PRR16: variants seen among roughly 807,000 people sequenced by gnomAD.
PRR16 encodes the protein protein Largen.
Under a neutral mutation model 18.2 loss-of-function variants are expected in PRR16, and 6 were observed. That is an observed-to-expected ratio of 0.33 (90% confidence interval 0.18 to 0.65). The LOEUF is 0.65. Ranked by LOEUF, PRR16 falls within the 30% of genes least tolerant of loss-of-function variation. The pLI, the probability that PRR16 is intolerant of heterozygous loss-of-function variation, is 0.74. For missense variants in PRR16, 412 were observed against 376.6 expected (o/e 1.09, Z -0.78); for synonymous variants, 151 against 147.8 (o/e 1.02, Z -0.16).
At position 120,621,718 on chromosome 5, in the gene PRR16, G is replaced by C. The variant is rs912155958; in HGVS notation, c.160-64236G>C. Among the ~76,000 whole-genome samples the C allele has an allele frequency of 2.6e-5, 4 of 152,074 alleles. No homozygotes were observed. In the South Asian group the frequency reaches 8.3e-4, roughly 32 times the overall value. Reference sequence around the variant, plus strand: ...AGGGGCTCTTCCTACTTTGTACTTTGGTTAGCACATCTCCTTTCTGCCACC... The same window carrying C: ...AGGGGCTCTTCCTACTTTGTACTTTCGTTAGCACATCTCCTTTCTGCCACC... On this transcript the variant is annotated intron_variant, in intron 1 of 1. Coordinates refer to ENST00000407149, the MANE Select transcript of PRR16 (RefSeq NM_001300783.2).
chr5:120,786,286 A>G, the PRR16 span, among the ~76,000 whole-genome samples: 2 of 151,550 alleles, frequency 1.3e-5, no homozygotes, highest in African/African-American at 4.8e-5. Context: ...TTCAAGTTTT[A>G]TTTTCATGGA....
At chr5:120,603,886 T>A (rs1201580195) in intron 1 of PRR16, among the ~76,000 whole-genome samples, 1 of 152,080 alleles carries the variant, frequency 6.6e-6, no homozygotes. Context: ...TGTTATTGAT[T>A]TCTGTTTTTA....
rs76926810 is a variant in PRR16 at position 120,609,085 on chromosome 5, CT to C, written c.160-76860del. On this transcript the variant is annotated intron_variant, in intron 1 of 1. Coordinates refer to ENST00000407149, the MANE Select transcript of PRR16 (RefSeq NM_001300783.2). ...CTTTTATTTCATAAGAAGAGATGTTCTTTTTTTTTCAACAACTTTATTCAGA... is the reference window on the plus strand; with the variant it reads ...CTTTTATTTCATAAGAAGAGATGTTCTTTTTTTTCAACAACTTTATTCAGA... Among the ~76,000 whole-genome samples the C allele has an allele frequency of 6.6e-5, 10 of 151,172 alleles. 1 individual carries two copies. The highest frequency in any genetic ancestry group is 1.9e-4 in the East Asian group (1 of 5,162).
chr5:120,617,431 T>G lies in PRR16; in HGVS notation c.160-68523T>G, dbSNP rs1027105491. The stretch of plus-strand genomic sequence containing the variant: ...CATATCTTCAGTCTGTGTTTTATGT[T>G]TAAATTCCACATAAGGAAATAAGTA... On this transcript the variant is annotated intron_variant, in intron 1 of 1. Transcript: ENST00000407149. Among the ~76,000 whole-genome samples, 31 of 152,332 alleles carry G rather than the reference T, an allele frequency of 2.0e-4. 1 individual carries two copies. Among genetic ancestry groups the G allele is most frequent in the Non-Finnish European group, 3.4e-4 (23 of 68,020 alleles).
the PRR16 span, among the ~76,000 whole-genome samples, chr5:120,755,202 TTAAA>T: frequency 2.2e-4 from 34 of 151,798 alleles, no homozygotes; most frequent in African/African-American, 8.0e-4. Flanking sequence ...ATAATAAAAT[TTAAA>T]AAAAATCTAA....
chr5:120,777,283 T>C, the PRR16 span, among the ~76,000 whole-genome samples: 1 of 152,082 alleles, frequency 6.6e-6, no homozygotes, highest in East Asian at 1.9e-4. Flanking sequence ...TGTCGGACAC[T>C]GTGCTTGTTA....
chr5:120,747,375 C>A, the PRR16 span, among the ~76,000 whole-genome samples: 2 of 152,274 alleles, frequency 1.3e-5, no homozygotes, highest in African/African-American at 4.8e-5. Context: ...AACTTTTACT[C>A]CTCTAAGAAC....
At chr5:120,580,259 A>T (rs1441277657) in intron 1 of PRR16, among the ~76,000 whole-genome samples, 1 of 152,108 alleles carries the variant, frequency 6.6e-6, no homozygotes, top group Non-Finnish European at 1.5e-5. Context: ...CAGAACTTCC[A>T]ATACTATGTT....
chr5:120,754,264 A>AT, the PRR16 span, among the ~76,000 whole-genome samples: 1 of 30,300 alleles, frequency 3.3e-5, no homozygotes, highest in South Asian at 1.1e-3. Context: ...ATAAAAATAT[A>AT]AATATAAAAT....
At chr5:120,628,042 T>C (rs555597493) in intron 1 of PRR16, among the ~76,000 whole-genome samples, 1 of 152,268 alleles carries the variant, frequency 6.6e-6, no homozygotes, top group East Asian at 1.9e-4. Context: ...GCAAAAAACA[T>C]GTATCCTATA....
At chr5:120,577,042 T>A (rs1194324923) in intron 1 of PRR16, among the ~76,000 whole-genome samples, 1 of 152,142 alleles carries the variant, frequency 6.6e-6, no homozygotes, top group Admixed American at 6.6e-5. Flanking sequence ...GATTTCGTTT[T>A]CCAACGCTGA....
At chr5:120,787,893 C>T in the PRR16 span, among the ~76,000 whole-genome samples, 1 of 151,992 alleles carries the variant, frequency 6.6e-6, no homozygotes, top group African/African-American at 2.4e-5. Context: ...GACACCCTGT[C>T]CTCTGTCAAG....
intron 1 of PRR16, among the ~76,000 whole-genome samples, chr5:120,653,805 C>G (rs1002656743): frequency 3.3e-5 from 5 of 151,976 alleles, no homozygotes; most frequent in African/African-American, 7.2e-5. Context: ...TTATGTGCCT[C>G]TCATGATGAC....
At chr5:120,526,361 G>C (rs998483470) in intron 1 of PRR16, among the ~76,000 whole-genome samples, 1 of 152,072 alleles carries the variant, frequency 6.6e-6, no homozygotes, top group African/African-American at 2.4e-5. Flanking sequence ...TTTCAGATCT[G>C]TGTTTAAATA....
chr5:120,536,608 T>G (rs1200453315), intron 1 of PRR16, among the ~76,000 whole-genome samples: 1 of 152,194 alleles, frequency 6.6e-6, no homozygotes, highest in Non-Finnish European at 1.5e-5. Flanking sequence ...ATGGCAGTTT[T>G]GTTATGTGGA....
intron 1 of PRR16, among the ~76,000 whole-genome samples, chr5:120,526,598 T>G (rs1235005090): frequency 2.0e-5 from 3 of 152,156 alleles, no homozygotes; most frequent in African/African-American, 7.2e-5. Context: ...CACTGCCACA[T>G]GTATCAACTC....
Position 120,676,341 on chromosome 5 carries a change from C to A in PRR16, c.160-9613C>A, listed in dbSNP as rs116613189. On this transcript the variant is annotated intron_variant, in intron 1 of 1. Coordinates refer to ENST00000407149, the MANE Select transcript of PRR16 (RefSeq NM_001300783.2). The stretch of plus-strand genomic sequence containing the variant: ...AAAAGAGTAGTTATGACTTCCCCAC[C>A]CTATTTCATTCTACCTTTTGAAATG... Among the ~76,000 whole-genome samples the A allele has an allele frequency of 7.1e-3, 1,087 of 152,192 alleles. 13 individuals carry two copies. Among genetic ancestry groups the A allele is most frequent in the African/African-American group, 0.025 (1,040 of 41,534 alleles).
At chr5:120,526,085 T>C (rs377327284) in intron 1 of PRR16, among the ~76,000 whole-genome samples, 54 of 152,284 alleles carry the variant, frequency 3.5e-4, no homozygotes, top group African/African-American at 1.3e-3. Context: ...GGTGGAAGTT[T>C]ACCTATGGTA....
intron 1 of PRR16, among the ~76,000 whole-genome samples, chr5:120,678,627 A>G (rs1393899712): frequency 6.6e-6 from 1 of 152,202 alleles, no homozygotes; most frequent in Non-Finnish European, 1.5e-5. Flanking sequence ...AGGATCTACT[A>G]GTAGTTTTTT....
Sources: gnomAD v4.1 joint callset for allele counts (sites outside exome capture counted in the v4.1 genomes callset) on GRCh38, gnomAD v4.1.1 for gene constraint, MANE v1.5 for transcripts, NCBI Gene and HGNC (gene_info 2026-07-23, HGNC 2026-07-21) for gene names.